The following ERCC6 variants were observed in gnomAD, a reference collection of about 807,000 sequenced individuals.
ERCC6 encodes DNA excision repair protein ERCC-6.
A neutral mutation model predicts 158.7 loss-of-function variants in ERCC6; 116 were observed. That is an observed-to-expected ratio of 0.73 (90% confidence interval 0.63 to 0.85). The LOEUF is 0.85. ERCC6 is among the 40% of genes least tolerant of loss of function. ERCC6 has a pLI of 0.00. For synonymous variants in ERCC6, 678 were observed against 659.3 expected (o/e 1.03, Z -0.43); for missense variants, 1,698 against 1,799.4 (o/e 0.94, Z 1.02).
At chr10:49,463,459 C>A (rs915147176) in intron 18 of ERCC6, among the ~76,000 whole-genome samples, 1 of 152,114 alleles carries the variant, frequency 6.6e-6, no homozygotes, top group African/African-American at 2.4e-5. Context: ...TTAATTAATA[C>A]TGCAGTGGCT....
At chr10:49,519,693 T>C (rs1012631963) in intron 5 of ERCC6, among the ~76,000 whole-genome samples, 1 of 152,176 alleles carries the variant, frequency 6.6e-6, no homozygotes, top group Admixed American at 6.5e-5. Context: ...GTGTGGGCCA[T>C]AGTAAAGAAA....
intron 6 of ERCC6, chr10:49,500,980 A>C (rs1851346687): frequency 2.7e-6 from 1 of 366,808 alleles, no homozygotes; most frequent in Non-Finnish European, 5.0e-6. Flanking sequence ...TCAACATTAG[A>C]AATAGCTTGC....
chr10:49,513,856 C>CTT (rs542257130), intron 5 of ERCC6, among the ~76,000 whole-genome samples: 6 of 144,054 alleles, frequency 4.2e-5, no homozygotes, highest in African/African-American at 1.1e-4. Flanking sequence ...CTCTCTCTCT[C>CTT]TTTTTTTTTT....
At position 49,471,016 on chromosome 10, in the gene ERCC6, G is replaced by A. The variant is rs753388562; in HGVS notation, c.3029C>T (p.Pro1010Leu). The change falls in exon 17 of 21, where the codon CCT (proline) becomes CTT (leucine). Residue 1010 changes from proline (P) to leucine (L), a missense_variant. By Grantham distance (98) the Pro-to-Leu change is moderately conservative (BLOSUM62 -3). Coordinates refer to ENST00000355832, the MANE Select transcript of ERCC6 (RefSeq NM_000124.4). ...TGTTTCAGTGCTCTGGGATGCATCA[G>A]GACTAGTCAGAGTAAATAGCTCATA... ...DLYELFTLTS[P>L]DASQSTETSA... is the part of the protein sequence containing the mutation. The A allele has an allele frequency of 1.2e-6, 2 of 1,613,932 alleles. No individual in the cohort carries two copies. The highest frequency in any genetic ancestry group is 1.7e-6 in the Non-Finnish European group (2 of 1,180,022).
chr10:49,448,224 T>C, the ERCC6 span, among the ~76,000 whole-genome samples: 1 of 152,364 alleles, frequency 6.6e-6, no homozygotes, highest in African/African-American at 2.4e-5. Flanking sequence ...AAAATTATTA[T>C]AGTCATGCTA....
At chr10:49,450,871 G>A (rs1276588122), downstream of ERCC6, among the ~76,000 whole-genome samples, 5 of 151,974 alleles carry the variant, frequency 3.3e-5, no homozygotes, top group East Asian at 9.7e-4. Flanking sequence ...GAGTGCGGTG[G>A]CACAATCTTG....
rs1407655291 is a variant in ERCC6 at position 49,458,583 on chromosome 10, A to C, written c.*232T>G. 1 of 169,256 alleles carries C rather than the reference A, an allele frequency of 5.9e-6. No individual in the cohort carries two copies. 10.5% of individuals were successfully genotyped at this position (169,256 alleles called of 1,614,324 possible). On this transcript the variant is annotated 3_prime_UTR_variant, in exon 21 of 21. Transcript: ENST00000355832. Reference sequence around the variant, plus strand: ...TGATTTACAATATAATTAGATTGCCAAAAAAAAAAAAATCAATCCAAGTAT... The same window carrying C: ...TGATTTACAATATAATTAGATTGCCCAAAAAAAAAAAATCAATCCAAGTAT...
chr10:49,476,440 T>C (rs766263811), intron 11 of ERCC6, 130 bp from the exon 12 acceptor site: 4 of 662,954 alleles, frequency 6.0e-6, no homozygotes, highest in Non-Finnish European at 1.1e-5. Context: ...CTATTATTAA[T>C]ATTAAAACAA....
At chr10:49,506,741 G>A (rs917148967) in intron 5 of ERCC6, among the ~76,000 whole-genome samples, 3 of 151,932 alleles carry the variant, frequency 2.0e-5, no homozygotes, top group African/African-American at 7.2e-5. Context: ...TGTGGAGAAG[G>A]TGCACCCATT....
intron 5 of ERCC6, among the ~76,000 whole-genome samples, chr10:49,509,373 G>T: frequency 6.6e-6 from 1 of 152,144 alleles, no homozygotes; most frequent in East Asian, 1.9e-4. Flanking sequence ...TTACGTATGT[G>T]GCCCAATGCA....
At chr10:49,515,285 C>G in intron 5 of ERCC6, 1 of 1,560,240 alleles carries the variant, frequency 6.4e-7, no homozygotes, top group Admixed American at 1.8e-5. Context: ...CTACACTGTA[C>G]ATAATGTATA....
chr10:49,537,497 A>ATC (rs1165279903), intron 1 of ERCC6, among the ~76,000 whole-genome samples: 1 of 139,286 alleles, frequency 7.2e-6, no homozygotes, highest in East Asian at 2.0e-4. Flanking sequence ...CTATATATAT[A>ATC]TATATACACA....
At chr10:49,481,026 G>T (rs1035366470) in intron 10 of ERCC6, among the ~76,000 whole-genome samples, 1 of 152,172 alleles carries the variant, frequency 6.6e-6, no homozygotes, top group Non-Finnish European at 1.5e-5. Flanking sequence ...TTCTGATTTT[G>T]TTGCTTACAC....
chr10:49,534,133 C>CAAAAAAAA (rs746772551), intron 1 of ERCC6, among the ~76,000 whole-genome samples: 12 of 60,270 alleles, frequency 2.0e-4, no homozygotes, highest in Non-Finnish European at 2.1e-4. Context: ...GACTCAATCT[C>CAAAAAAAA]AAAAAAAAAA....
chr10:49,533,874 C>A (rs1465409119), intron 1 of ERCC6, among the ~76,000 whole-genome samples: 1 of 152,070 alleles, frequency 6.6e-6, no homozygotes, highest in African/African-American at 2.4e-5. Context: ...TGGCTCACAT[C>A]TGTAATCCCA....
At chr10:49,494,822 C>G (rs1851237002) in intron 7 of ERCC6, among the ~76,000 whole-genome samples, 1 of 152,164 alleles carries the variant, frequency 6.6e-6, no homozygotes, top group African/African-American at 2.4e-5. Flanking sequence ...ATAAGGAGAT[C>G]TAATGATTAC....
rs772402467 is a variant in ERCC6 at position 49,483,305 on chromosome 10, C to A, written c.1992+41G>T. On this transcript the variant is annotated intron_variant, in intron 9 of 20. Coordinates refer to ENST00000355832, the MANE Select transcript of ERCC6 (RefSeq NM_000124.4). ...GATAGTTTATTCTGAATTAATTATTCTTCTCCACTTGGAAATCTCCCTTGT... is the reference window on the plus strand; with the variant it reads ...GATAGTTTATTCTGAATTAATTATTATTCTCCACTTGGAAATCTCCCTTGT... 30 of 1,592,582 alleles carry A rather than the reference C, an allele frequency of 1.9e-5. No homozygotes were observed. The South Asian group carries it at 3.1e-4, about 16-fold the overall frequency.
chr10:49,456,328 T>C lies in ERCC6; in HGVS notation c.*2487A>G, dbSNP rs1005983087. The C allele has an allele frequency of 3.3e-5, 5 of 152,152 alleles. No homozygotes were observed. Among genetic ancestry groups the C allele is most frequent in the Admixed American group, 3.3e-4 (5 of 15,288 alleles). The allele number at this position is 152,152 out of a possible 1,614,324, so 9.4% of individuals were successfully genotyped here. On this transcript the variant is annotated 3_prime_UTR_variant, in exon 21 of 21. Coordinates refer to ENST00000355832, the MANE Select transcript of ERCC6 (RefSeq NM_000124.4). ...CAAGAAAGGGGAATGTCAAGGAGAG[T>C]GCATACCCTGCTTCTTTAAAGGGCC...
intron 18 of ERCC6, among the ~76,000 whole-genome samples, chr10:49,465,751 T>A (rs553185185): frequency 2.9e-3 from 436 of 152,332 alleles, no homozygotes; most frequent in African/African-American, 9.8e-3. Context: ...CTGCTATCCA[T>A]GAAAGATGTT....
Sources: allele counts gnomAD v4.1 joint callset (sites outside exome capture counted in the v4.1 genomes callset), GRCh38; gene constraint gnomAD v4.1.1; transcripts MANE v1.5; gene names NCBI Gene and HGNC (gene_info 2026-07-23, HGNC 2026-07-21).